Variants in LRRC56 observed in about 807,000 individuals in gnomAD.
The protein encoded by LRRC56 is leucine rich repeat containing 56.
In LRRC56, 41 loss-of-function variants were observed where a neutral mutation model predicts 47.8. The observed-to-expected ratio is 0.86, with a 90% CI of 0.67 to 1.11. The LOEUF (loss-of-function observed/expected upper bound fraction) is 1.11, where lower values mean the gene tolerates loss of function less well. Among genes scored for constraint, LRRC56 ranks in the 50% most tolerant of loss-of-function variants. The probability of loss-of-function intolerance (pLI) is 0.00; values close to 1 mark genes in which losing one functional copy is unlikely to be tolerated. For missense variants in LRRC56, 759 were observed against 704.2 expected (o/e 1.08, Z -0.88); for synonymous variants, 387 against 311.2 (o/e 1.24, Z -2.56).
the LRRC56 span, among the ~76,000 whole-genome samples, chr11:508,316 C>G: frequency 6.6e-6 from 1 of 152,240 alleles, no homozygotes; most frequent in Non-Finnish European, 1.5e-5. Context: ...CAGGCGCCAG[C>G]ACGCCTGGCT....
chr11:545,747 G>A (rs902758576), intron 6 of LRRC56, among the ~76,000 whole-genome samples: 3 of 152,206 alleles, frequency 2.0e-5, no homozygotes, highest in Non-Finnish European at 2.9e-5. Flanking sequence ...TATTCTGGGG[G>A]TTTGGGCAAA....
chr11:528,351 C>G, the LRRC56 span: 1 of 152,206 alleles, frequency 6.6e-6, no homozygotes, highest in Non-Finnish European at 1.5e-5. Context: ...AGTCCCCCAC[C>G]TCCCCACAGG....
chr11:511,413 A>C, the LRRC56 span, among the ~76,000 whole-genome samples: 1 of 152,160 alleles, frequency 6.6e-6, no homozygotes, highest in Non-Finnish European at 1.5e-5. Context: ...GCAGGTTCAT[A>C]CGTGAGTGGT....
rs372128980 is a variant in LRRC56 at position 545,694 on chromosome 11, G to A, written c.326+914G>A. ...AGCTGAAGACGTTGGCGGCTCTCAC[G>A]TCATCGGAAGGGAAAGAACAAGGCT... is the stretch of plus-strand genomic sequence containing the variant. On this transcript the variant is annotated intron_variant, in intron 6 of 13. Coordinates refer to ENST00000270115, the MANE Select transcript of LRRC56 (RefSeq NM_198075.4). Among the ~76,000 whole-genome samples the A allele has an allele frequency of 3.3e-5, 5 of 152,320 alleles. 1 individual carries two copies. Among genetic ancestry groups the A allele is most frequent in the African/African-American group, 2.4e-5 (1 of 41,554 alleles).
At chr11:535,056 G>T (rs1173391313), upstream of LRRC56, among the ~76,000 whole-genome samples, 1 of 152,094 alleles carries the variant, frequency 6.6e-6, no homozygotes, top group Non-Finnish European at 1.5e-5. Flanking sequence ...CTGTGATGCT[G>T]AATCGGGGGT....
At position 552,720 on chromosome 11, in the gene LRRC56, C is replaced by A; in HGVS notation, c.1315+18C>A. Reference sequence around the variant, plus strand: ...GGCCTCAGGTACTGAGCCTGCCCGCCTGCCCCCCAGTGCCTGGGAGTGACC... The same window carrying A: ...GGCCTCAGGTACTGAGCCTGCCCGCATGCCCCCCAGTGCCTGGGAGTGACC... On this transcript the variant is annotated intron_variant, in intron 13 of 13. Coordinates refer to ENST00000270115, the MANE Select transcript of LRRC56 (RefSeq NM_198075.4). 1 of 1,585,706 alleles carries A rather than the reference C, an allele frequency of 6.3e-7. No individual in the cohort carries two copies. The highest frequency in any genetic ancestry group is 8.6e-7 in the Non-Finnish European group (1 of 1,165,432).
chr11:509,909 C>T, the LRRC56 span, among the ~76,000 whole-genome samples: 1 of 152,042 alleles, frequency 6.6e-6, no homozygotes, highest in Admixed American at 6.6e-5. Flanking sequence ...ACTCAGTTCA[C>T]CCACTGTGGA....
chr11:551,066 G>T (rs1381579914), intron 8 of LRRC56, 65 bp from the exon 9 acceptor site: 8 of 976,994 alleles, frequency 8.2e-6, no homozygotes, highest in Non-Finnish European at 1.2e-5. Flanking sequence ...GCCAGGGAAA[G>T]AGCTGGCCGG....
At chr11:540,924 C>T in intron 4 of LRRC56, 63 bp downstream of exon 4, 5 of 1,334,782 alleles carry the variant, frequency 3.7e-6, no homozygotes, top group East Asian at 2.6e-5. Context: ...CCCAGGGCTC[C>T]TTCCTGCTGA....
At chr11:522,822 C>T in the LRRC56 span, among the ~76,000 whole-genome samples, 78 of 152,278 alleles carry the variant, frequency 5.1e-4, no homozygotes, top group African/African-American at 1.8e-3. Context: ...AATCTCGGCT[C>T]ACTGCAACCG....
chr11:530,177 G>A, the LRRC56 span, among the ~76,000 whole-genome samples: 1 of 152,144 alleles, frequency 6.6e-6, no homozygotes, highest in African/African-American at 2.4e-5. Context: ...CACAGCACAG[G>A]CCCAGCCCTG....
At chr11:507,429 T>G in the LRRC56 span, 2 of 121,110 alleles carry the variant, frequency 1.7e-5, no homozygotes, top group African/African-American at 7.2e-5. Flanking sequence ...GAGGTCTCGC[T>G]TGGGGGCGTG....
chr11:530,923 G>C, the LRRC56 span, among the ~76,000 whole-genome samples: 1 of 41,456 alleles, frequency 2.4e-5, no homozygotes, highest in Non-Finnish European at 4.5e-5. Context: ...AGAGAAGGGG[G>C]AGTGTGGCGT....
the LRRC56 span, among the ~76,000 whole-genome samples, chr11:532,050 C>T: frequency 6.6e-6 from 1 of 152,212 alleles, no homozygotes; most frequent in Non-Finnish European, 1.5e-5. Context: ...GTCCAGAGCT[C>T]TCTGCCAGAA....
chr11:547,802 A>T (rs1017778911), intron 6 of LRRC56, among the ~76,000 whole-genome samples: 2 of 152,180 alleles, frequency 1.3e-5, no homozygotes, highest in African/African-American at 2.4e-5. Flanking sequence ...AATAGTTCCA[A>T]AGGAAAAATG....
At chr11:545,700 G>A (rs34875560) in intron 6 of LRRC56, among the ~76,000 whole-genome samples, 14,404 of 152,226 alleles carry the variant, frequency 0.095, 938 homozygotes, top group Admixed American at 0.18. Flanking sequence ...TCACGTCATC[G>A]GAAGGGAAAG....
the LRRC56 span, among the ~76,000 whole-genome samples, chr11:525,094 C>CAAA: frequency 8.0e-6 from 1 of 125,334 alleles, no homozygotes; most frequent in African/African-American, 2.9e-5. Context: ...GACTCCGTCT[C>CAAA]AAAAAAAAAA....
At chr11:534,731 G>A, upstream of LRRC56, 1 of 252,676 alleles carries the variant, frequency 4.0e-6, no homozygotes, top group Non-Finnish European at 7.9e-6. Context: ...GAACAGGTCT[G>A]GCCACGGCGG....
Position 548,659 on chromosome 11 carries a change from C to T in LRRC56, c.327-1243C>T, listed in dbSNP as rs1399923178. On this transcript the variant is annotated intron_variant, in intron 6 of 13. Transcript: ENST00000270115. ...ATTTTTAGTAGAGATGGGGTTTCAC[C>T]GTGTTAACCAGGACGGTCTAGATCT... Among the ~76,000 whole-genome samples, 4 of 152,118 alleles carry T rather than the reference C, an allele frequency of 2.6e-5. No individual in the cohort carries two copies. The East Asian group carries it at 5.8e-4, about 22-fold the overall frequency.
Sources: allele counts gnomAD v4.1 joint callset (sites outside exome capture counted in the v4.1 genomes callset), GRCh38; gene constraint gnomAD v4.1.1; transcripts MANE v1.5; gene names NCBI Gene and HGNC (gene_info 2026-07-23, HGNC 2026-07-21).